The following KCNQ5 variants were observed in gnomAD, a reference collection of about 807,000 sequenced individuals.
KCNQ5 encodes potassium voltage-gated channel subfamily KQT member 5.
In KCNQ5, 30 loss-of-function variants were observed where a neutral mutation model predicts 98.2. The ratio of observed to expected loss-of-function variants is 0.31; its 90% CI spans 0.23 to 0.41. The LOEUF is 0.41. KCNQ5 is among the 10% of genes least tolerant of loss of function. KCNQ5 has a pLI of 1.00. For synonymous variants in KCNQ5, 458 were observed against 449.4 expected, an observed-to-expected ratio of 1.02 and a Z score of -0.24; for missense variants, 835 against 1,182.5, an observed-to-expected ratio of 0.71 and a Z score of 4.31.
At chr6:72,936,378 C>T (rs1765918007) in intron 1 of KCNQ5, among the ~76,000 whole-genome samples, 1 of 152,190 alleles carries the variant, frequency 6.6e-6, no homozygotes, top group South Asian at 2.1e-4. Flanking sequence ...AGGAGCTCAT[C>T]TGACTTATTC....
At chr6:72,714,546 A>C (rs770340234) in intron 1 of KCNQ5, among the ~76,000 whole-genome samples, 3 of 152,182 alleles carry the variant, frequency 2.0e-5, no homozygotes, top group African/African-American at 7.2e-5. Context: ...GCTTAGGAAC[A>C]GTTGCTTATA....
intron 1 of KCNQ5, among the ~76,000 whole-genome samples, chr6:72,693,448 T>A (rs1023951611): frequency 6.6e-6 from 1 of 152,162 alleles, no homozygotes; most frequent in African/African-American, 2.4e-5. Flanking sequence ...CTTCATAAGG[T>A]CTTCTTTGTT....
At chr6:73,138,803 T>G (rs1472317841) in intron 10 of KCNQ5, among the ~76,000 whole-genome samples, 1 of 152,216 alleles carries the variant, frequency 6.6e-6, no homozygotes, top group Non-Finnish European at 1.5e-5. Flanking sequence ...ATCTTCCGAT[T>G]GTGGGGGTCC....
chr6:73,059,758 A>G (rs1213140332), intron 3 of KCNQ5, among the ~76,000 whole-genome samples: 3 of 152,120 alleles, frequency 2.0e-5, no homozygotes, highest in African/African-American at 7.2e-5. Flanking sequence ...TGGGTCAAGA[A>G]ACAAATGAAA....
At chr6:72,966,458 C>G (rs1421267612) in intron 1 of KCNQ5, among the ~76,000 whole-genome samples, 1 of 151,724 alleles carries the variant, frequency 6.6e-6, no homozygotes, top group African/African-American at 2.4e-5. Context: ...ATCCCAGCTA[C>G]TCAGGAGGCT....
chr6:72,822,330 C>A (rs1257983631), intron 1 of KCNQ5, among the ~76,000 whole-genome samples: 1 of 152,178 alleles, frequency 6.6e-6, no homozygotes, highest in Non-Finnish European at 1.5e-5. Context: ...TGCAAACTTA[C>A]CTCTAGACAT....
intron 10 of KCNQ5, among the ~76,000 whole-genome samples, chr6:73,156,622 CA>C (rs1562210902): frequency 1.8e-5 from 2 of 112,134 alleles, no homozygotes; most frequent in East Asian, 3.0e-4. Flanking sequence ...AGACTCCATT[CA>C]AAAAAAACGA....
chr6:72,626,763 A>T (rs1396528075), intron 1 of KCNQ5, among the ~76,000 whole-genome samples: 9 of 152,224 alleles, frequency 5.9e-5, no homozygotes, highest in Non-Finnish European at 1.0e-4. Context: ...TGTGGATCAT[A>T]CTAGAAAGGT....
chr6:73,133,795 G>A lies in KCNQ5; in HGVS notation c.1468+154G>A, dbSNP rs1776341409. On this transcript the variant is annotated intron_variant, in intron 10 of 13. Transcript: ENST00000370398. ...TTGTTTTATTGGAAGTTTATTCATTGCCTTGGGCAAATGTACAGAACATAA... is the reference window on the plus strand; with the variant it reads ...TTGTTTTATTGGAAGTTTATTCATTACCTTGGGCAAATGTACAGAACATAA... The A allele has an allele frequency of 1.5e-5, 12 of 796,408 alleles. No individual in the cohort carries two copies. In the South Asian group the frequency reaches 1.6e-4, roughly 10 times the overall value. The allele number at this position is 796,408 out of a possible 1,614,324, so 49.3% of individuals were successfully genotyped here. A position where few individuals can be genotyped will look rare whatever the true frequency, so the allele number is the denominator to read the frequency against.
Position 72,833,458 on chromosome 6 carries a change from C to T in KCNQ5, c.399-170450C>T, listed in dbSNP as rs564507483. Among the ~76,000 whole-genome samples the T allele has an allele frequency of 5.1e-4, 78 of 152,210 alleles. 1 individual carries two copies. The highest frequency in any genetic ancestry group is 1.3e-3 in the African/African-American group (55 of 41,548). ...TTGAAGTGACGTGTATTACCCCACA[C>T]GGATATACTGATTTCTTCCCTTGTC... On this transcript the variant is annotated intron_variant, in intron 1 of 13. Transcript: ENST00000370398.
chr6:72,627,909 C>T (rs1004635937), intron 1 of KCNQ5, among the ~76,000 whole-genome samples: 3 of 152,196 alleles, frequency 2.0e-5, no homozygotes, highest in Admixed American at 6.5e-5. Context: ...TATTTCCAAA[C>T]AGTTCCCTTC....
intron 1 of KCNQ5, among the ~76,000 whole-genome samples, chr6:72,714,726 G>C (rs1769552388): frequency 6.6e-6 from 1 of 152,106 alleles, no homozygotes. Flanking sequence ...TCATATACTG[G>C]CTAATTTCTG....
chr6:73,075,334 T>A (rs969671532), intron 3 of KCNQ5, among the ~76,000 whole-genome samples: 2 of 151,906 alleles, frequency 1.3e-5, no homozygotes, highest in African/African-American at 4.8e-5. Flanking sequence ...GGGATTCTCA[T>A]GCCTCAGCCT....
At chr6:72,798,484 G>A (rs1040339595) in intron 1 of KCNQ5, among the ~76,000 whole-genome samples, 2 of 152,138 alleles carry the variant, frequency 1.3e-5, no homozygotes, top group African/African-American at 4.8e-5. Flanking sequence ...TCACTTGCAT[G>A]TGCTCTCCTC....
rs1167542831 is a variant in KCNQ5 at position 73,194,909 on chromosome 6, C to A, written c.2294C>A (p.Thr765Asn). The change falls in exon 14 of 14, where the codon ACT becomes AAT. Residue 765 changes from threonine to asparagine, a missense_variant. Thr to Asn is a moderately conservative substitution (Grantham distance 65). Transcript: ENST00000370398. ...PAIKHLPRPE[T>N]LHPNPAGLQE... is the part of the protein sequence containing the mutation. ...ATCAAGCATCTGCCCAGGCCAGAAA[C>A]TCTGCACCCTAACCCTGCAGGCTTA... 52 of 1,614,206 alleles carry A rather than the reference C, an allele frequency of 3.2e-5. No individual in the cohort carries two copies. Among genetic ancestry groups the A allele is most frequent in the Non-Finnish European group, 4.4e-5 (52 of 1,180,042 alleles).
At chr6:72,966,745 G>C (rs891361961) in intron 1 of KCNQ5, among the ~76,000 whole-genome samples, 5 of 152,306 alleles carry the variant, frequency 3.3e-5, no homozygotes, top group African/African-American at 1.2e-4. Flanking sequence ...GGCAAAGTGA[G>C]AGGCATTGTG....
In KCNQ5 at chr6:73,195,517, G is replaced by A; in HGVS notation, c.*103G>A. The A allele has an allele frequency of 7.1e-7, 1 of 1,414,070 alleles. No homozygotes were observed. The highest frequency in any genetic ancestry group is 9.5e-7 in the Non-Finnish European group (1 of 1,050,018). The allele number at this position is 1,414,070 out of a possible 1,614,324, so 87.6% of individuals were successfully genotyped here. A position where few individuals can be genotyped will look rare whatever the true frequency, so the allele number is the denominator to read the frequency against. The stretch of plus-strand genomic sequence containing the variant: ...AAAAAGTTGAAATTGCAAGAATCGG[G>A]AAGAACATGAAAGGCAGTTTATAAG... On this transcript the variant is annotated 3_prime_UTR_variant, in exon 14 of 14. Coordinates refer to ENST00000370398, the MANE Select transcript of KCNQ5 (RefSeq NM_019842.4).
intron 1 of KCNQ5, among the ~76,000 whole-genome samples, chr6:72,647,500 GAGAA>G (rs1378365777): frequency 1.8e-4 from 28 of 151,954 alleles, no homozygotes; most frequent in South Asian, 2.1e-4. Context: ...CATAAGATGA[GAGAA>G]AGAAAGAGAG....
At chr6:73,064,697 A>G (rs1406471014) in intron 3 of KCNQ5, among the ~76,000 whole-genome samples, 1 of 152,208 alleles carries the variant, frequency 6.6e-6, no homozygotes, top group Non-Finnish European at 1.5e-5. Context: ...CAAACTTTCT[A>G]TATAAAAGAA....
Sources: gnomAD v4.1 joint callset for allele counts (sites outside exome capture counted in the v4.1 genomes callset) on GRCh38, gnomAD v4.1.1 for gene constraint, MANE v1.5 for transcripts, NCBI Gene and HGNC (gene_info 2026-07-23, HGNC 2026-07-21) for gene names.